The following SMARCA2 variants were observed in gnomAD, a reference collection of about 807,000 sequenced individuals.
The protein encoded by SMARCA2 is SWI/SNF-related matrix-associated actin-dependent regulator of chromatin subfamily A member 2.
SMARCA2 carries 61 observed loss-of-function variants against 199.8 expected under a neutral mutation model. The observed-to-expected ratio is 0.31, with a 90% CI of 0.25 to 0.38. The LOEUF (loss-of-function observed/expected upper bound fraction) is 0.38. Ranked by LOEUF, SMARCA2 falls within the 10% of genes least tolerant of loss-of-function variation. The probability of loss-of-function intolerance (pLI) is 1.00; values close to 1 mark genes in which losing one functional copy is unlikely to be tolerated. For synonymous variants in SMARCA2, 935 were observed against 732.0 expected (o/e 1.28, Z -4.48); for missense variants, 1,344 against 2,012.2 (o/e 0.67, Z 6.35).
chr9:2,177,144 C>T (rs1826666604), intron 29 of SMARCA2, among the ~76,000 whole-genome samples: 1 of 152,166 alleles, frequency 6.6e-6, no homozygotes, highest in Non-Finnish European at 1.5e-5. Context: ...ATATATTAAA[C>T]TTCATAGGAA....
chr9:2,083,463 C>T (rs745784634), intron 16 of SMARCA2, 50 bp downstream of exon 16: 2 of 1,178,262 alleles, frequency 1.7e-6, no homozygotes, highest in Non-Finnish European at 2.5e-6. Context: ...AAAAATAGAC[C>T]CTATTTTCTT....
At chr9:2,038,018 T>C (rs537173712) in intron 3 of SMARCA2, among the ~76,000 whole-genome samples, 22 of 152,374 alleles carry the variant, frequency 1.4e-4, no homozygotes, top group African/African-American at 5.1e-4. Context: ...AAAGTGTTCT[T>C]CAATTTCCCA....
intron 29 of SMARCA2, 87 bp from the exon 30 acceptor site, chr9:2,181,484 T>G: frequency 1.3e-6 from 1 of 745,664 alleles, no homozygotes; most frequent in South Asian, 1.5e-5. Flanking sequence ...ATAATTTACT[T>G]TGTTGACATG....
chr9:2,127,322 C>T (rs370662866), intron 27 of SMARCA2, among the ~76,000 whole-genome samples: 2 of 152,140 alleles, frequency 1.3e-5, no homozygotes, highest in African/African-American at 4.8e-5. Flanking sequence ...ATTAAAGTAG[C>T]ACTGGATTGA....
At position 2,032,995 on chromosome 9, in the gene SMARCA2, A is replaced by G; in HGVS notation, c.269A>G (p.His90Arg). 12 of 1,613,956 alleles carry G rather than the reference A, an allele frequency of 7.4e-6. No individual in the cohort carries two copies. Among genetic ancestry groups the G allele is most frequent in the Non-Finnish European group, 1.0e-5 (12 of 1,179,798 alleles). The change falls in exon 3 of 34, where the codon CAT (histidine) becomes CGT (arginine). Residue 90 changes from histidine to arginine, a missense_variant. This residue lies in a region of SMARCA2 where 275 missense variants were observed against 247.5 expected (regional missense o/e 1.11). Transcript: ENST00000349721. ...IHDKGIVEDI[H>R]CGSMKGTGMR... ...GACAAGGGGATTGTAGAAGACATCC[A>G]TTGTGGATCCATGAAGGGCACTGGT...
intron 27 of SMARCA2, among the ~76,000 whole-genome samples, chr9:2,133,775 C>A (rs7030191): frequency 8.6e-5 from 13 of 151,982 alleles, no homozygotes; most frequent in Admixed American, 8.5e-4. Context: ...GCAGGGTGGC[C>A]TCATCATCAT....
chr9:2,172,812 G>A (rs1826330402), intron 29 of SMARCA2, among the ~76,000 whole-genome samples: 1 of 152,158 alleles, frequency 6.6e-6, no homozygotes, highest in Non-Finnish European at 1.5e-5. Context: ...GTGACACCCA[G>A]GGAGCCGACA....
intron 13 of SMARCA2, 134 bp downstream of exon 13, chr9:2,076,463 G>C (rs1256780577): frequency 3.2e-6 from 2 of 623,966 alleles, no homozygotes; most frequent in Non-Finnish European, 5.8e-6. Context: ...GCTCCTAGAG[G>C]TCACCACTGA....
rs142731063 is a variant in SMARCA2, at chr9:2,060,405, A to G, written c.1522-411A>G. ...ATTTTTGTTGTTTGGGGTTGGTTAT[A>G]GGAGAAATTAAACTATTCTCTCTGC... On this transcript the variant is annotated intron_variant, in intron 8 of 33. Transcript: ENST00000349721. Among the ~76,000 whole-genome samples, 699 of 152,348 alleles carry G rather than the reference A, an allele frequency of 4.6e-3. 10 individuals carry two copies. Among genetic ancestry groups the G allele is most frequent in the African/African-American group, 0.016 (666 of 41,582 alleles).
At chr9:2,073,523 TA>T (rs1821178845) in intron 11 of SMARCA2, 42 bp from the exon 12 acceptor site, 1 of 1,556,582 alleles carries the variant, frequency 6.4e-7, no homozygotes. Context: ...TATTGTAATT[TA>T]AAAAACTAAG....
intron 7 of SMARCA2, among the ~76,000 whole-genome samples, chr9:2,057,366 C>A (rs1357290726): frequency 2.0e-5 from 3 of 152,200 alleles, no homozygotes; most frequent in African/African-American, 4.8e-5. Context: ...CTTATCACCT[C>A]CCGAAGACCC....
chr9:2,120,306 G>C (rs1823401037), intron 26 of SMARCA2, among the ~76,000 whole-genome samples: 1 of 152,194 alleles, frequency 6.6e-6, no homozygotes, highest in African/African-American at 2.4e-5. Context: ...TCTTACATGA[G>C]TAATTTGCAT....
intron 27 of SMARCA2, among the ~76,000 whole-genome samples, chr9:2,124,958 A>G (rs1017858089): frequency 6.6e-6 from 1 of 152,206 alleles, no homozygotes; most frequent in Non-Finnish European, 1.5e-5. Flanking sequence ...CAAGCAAAAC[A>G]AAAGCTTTGG....
chr9:2,179,499 G>T (rs553906683), intron 29 of SMARCA2, among the ~76,000 whole-genome samples: 12 of 152,272 alleles, frequency 7.9e-5, no homozygotes, highest in African/African-American at 2.9e-4. Flanking sequence ...AGAGCATTCA[G>T]CTCTCTTCTT....
At chr9:2,182,885 G>A (rs1461426910) in intron 31 of SMARCA2, among the ~76,000 whole-genome samples, 2 of 151,854 alleles carry the variant, frequency 1.3e-5, no homozygotes, top group Admixed American at 1.3e-4. Flanking sequence ...CCACCTCCCT[G>A]GTTCAAGGGA....
In SMARCA2 at chr9:2,017,774, G is replaced by T. The variant is rs1449407016; in HGVS notation, c.-37+2370G>T. 6.6e-6 allele frequency: 1 copy of T among 152,330 alleles called. No homozygotes were observed. Among genetic ancestry groups the T allele is most frequent in the African/African-American group, 2.4e-5 (1 of 41,440 alleles). The allele number at this position is 152,330 out of a possible 1,614,324, so 9.4% of individuals were successfully genotyped here. A position where few individuals can be genotyped will look rare whatever the true frequency, so the allele number is the denominator to read the frequency against. On this transcript the variant is annotated intron_variant, in intron 1 of 33. Transcript: ENST00000349721. This position sits in a 1 kb window ranked among gnomAD's most constrained non-coding sequence, Gnocchi z 8.8. The stretch of plus-strand genomic sequence containing the variant: ...CCACCCCAAGCTCCGCGAACCCCGC[G>T]CCCCTTTTTGTTCCGCGTCCTCCAG...
chr9:2,126,457 A>T (rs1181253491), intron 27 of SMARCA2, among the ~76,000 whole-genome samples: 1 of 152,256 alleles, frequency 6.6e-6, no homozygotes, highest in Non-Finnish European at 1.5e-5. Flanking sequence ...GGTGTTCACC[A>T]GCAGCAATCC....
In SMARCA2 at chr9:2,079,377, C is replaced by T. The variant is rs7873684; in HGVS notation, c.2184+1601C>T. 6.4e-3 allele frequency among the ~76,000 whole-genome samples: 977 copies of T among 152,270 alleles called. 14 individuals carry two copies. The highest frequency in any genetic ancestry group is 0.022 in the African/African-American group (933 of 41,536). On this transcript the variant is annotated intron_variant, in intron 14 of 33. Coordinates refer to ENST00000349721, the MANE Select transcript of SMARCA2 (RefSeq NM_003070.5). ...CTTTAGGAAGTGTACTTGTTGGCAT[C>T]GGGTCCTCTCTACTCTTAACACTTG...
At chr9:2,087,926 C>T (rs1310186579) in intron 18 of SMARCA2, among the ~76,000 whole-genome samples, 2 of 151,984 alleles carry the variant, frequency 1.3e-5, no homozygotes, top group East Asian at 1.9e-4. Flanking sequence ...AAGAGAAAGC[C>T]GGGAAATGTA....
Sources: gnomAD v4.1 joint callset for allele counts (sites outside exome capture counted in the v4.1 genomes callset) on GRCh38, gnomAD v4.1.1 for gene constraint, gnomAD v4.1.1 regional missense constraint, Gnocchi (gnomAD v3.1) non-coding constraint, MANE v1.5 for transcripts, NCBI Gene and HGNC (gene_info 2026-07-23, HGNC 2026-07-21) for gene names.